PAPSS2: variants seen among roughly 807,000 people sequenced by gnomAD.
PAPSS2 encodes bifunctional 3'-phosphoadenosine 5'-phosphosulfate synthase 2.
PAPSS2 carries 61 observed loss-of-function variants against 66.5 expected under a neutral mutation model. The observed-to-expected ratio is 0.92, with a 90% CI of 0.75 to 1.14. PAPSS2 has a LOEUF of 1.14. PAPSS2 is among the 50% of genes most tolerant of loss of function. PAPSS2 has a pLI of 0.00. For synonymous variants in PAPSS2, 289 were observed against 287.5 expected (o/e 1.01, Z -0.05); for missense variants, 708 against 789.6 (o/e 0.90, Z 1.24).
At chr10:87,718,686 A>G (rs1853561812) in intron 7 of PAPSS2, among the ~76,000 whole-genome samples, 1 of 152,234 alleles carries the variant, frequency 6.6e-6, no homozygotes, top group African/African-American at 2.4e-5. Flanking sequence ...CACTCCAGCC[A>G]CCAAAGTTTT....
chr10:87,693,112 A>G (rs7906138), intron 1 of PAPSS2, among the ~76,000 whole-genome samples: 8,536 of 152,266 alleles, frequency 0.056, 798 homozygotes, highest in African/African-American at 0.19. Flanking sequence ...CTCCCTTAAA[A>G]GGGCAGAATC....
chr10:87,678,725 A>G lies in PAPSS2; in HGVS notation c.27+18717A>G, dbSNP rs536968212. Among the ~76,000 whole-genome samples the G allele has an allele frequency of 2.6e-5, 4 of 152,288 alleles. No homozygotes were observed. In the South Asian group the frequency reaches 8.3e-4, roughly 32 times the overall value. Reference sequence around the variant, plus strand: ...TGTCAGGAAAATTCAAATCAAAACCATGAGATATTACCTCACCTCATGTAG... The same window carrying G: ...TGTCAGGAAAATTCAAATCAAAACCGTGAGATATTACCTCACCTCATGTAG... On this transcript the variant is annotated intron_variant, in intron 1 of 12. Transcript: ENST00000456849.
chr10:87,695,388 G>T (rs539322120), intron 1 of PAPSS2, among the ~76,000 whole-genome samples: 1 of 152,164 alleles, frequency 6.6e-6, no homozygotes, highest in Non-Finnish European at 1.5e-5. Flanking sequence ...TTTTTCACAA[G>T]CGAATATAAA....
intron 1 of PAPSS2, among the ~76,000 whole-genome samples, chr10:87,670,576 G>GCACA (rs3221014): frequency 0.04 from 5,915 of 149,688 alleles, 174 homozygotes; most frequent in African/African-American, 0.073. Flanking sequence ...AAAAGATGGA[G>GCACA]CACACACACA....
chr10:87,728,114 A>G (rs1240702398), intron 9 of PAPSS2, among the ~76,000 whole-genome samples: 1 of 152,122 alleles, frequency 6.6e-6, no homozygotes, highest in Admixed American at 6.5e-5. Flanking sequence ...CCTAAAGGGA[A>G]AATAGACTAA....
At chr10:87,709,791 CAACA>C (rs1294182792) in intron 2 of PAPSS2, among the ~76,000 whole-genome samples, 1 of 152,162 alleles carries the variant, frequency 6.6e-6, no homozygotes, top group African/African-American at 2.4e-5. Context: ...ACTATATAAA[CAACA>C]AACAAACATA....
intron 1 of PAPSS2, among the ~76,000 whole-genome samples, chr10:87,696,342 A>G (rs1214903276): frequency 2.6e-5 from 4 of 151,958 alleles, no homozygotes; most frequent in African/African-American, 9.7e-5. Flanking sequence ...GGCTCTCTCT[A>G]TATGGAAAAT....
At chr10:87,703,485 C>G (rs1853344352) in intron 1 of PAPSS2, among the ~76,000 whole-genome samples, 1 of 152,148 alleles carries the variant, frequency 6.6e-6, no homozygotes, top group South Asian at 2.1e-4. Context: ...CTGGACTGAT[C>G]AGATCCAACA....
chr10:87,661,266 C>T (rs1309668954), intron 1 of PAPSS2, among the ~76,000 whole-genome samples: 1 of 151,944 alleles, frequency 6.6e-6, no homozygotes, highest in Non-Finnish European at 1.5e-5. Flanking sequence ...AGGGACCATA[C>T]TGGACCAGCA....
chr10:87,721,703 T>A (rs1374855536), intron 7 of PAPSS2, 53 bp from the exon 8 acceptor site: 8 of 1,351,808 alleles, frequency 5.9e-6, no homozygotes, highest in African/African-American at 1.4e-5. Context: ...TGCTGTAAGA[T>A]TCGTTTGGTG....
At chr10:87,708,833 A>G (rs550386945) in intron 1 of PAPSS2, among the ~76,000 whole-genome samples, 1 of 152,346 alleles carries the variant, frequency 6.6e-6, no homozygotes, top group South Asian at 2.1e-4. Context: ...TAATTGTATT[A>G]TTTAACAGAT....
chr10:87,684,799 T>A (rs1012443953), intron 1 of PAPSS2, among the ~76,000 whole-genome samples: 1 of 152,186 alleles, frequency 6.6e-6, no homozygotes, highest in Non-Finnish European at 1.5e-5. Flanking sequence ...GGCTTTAGAA[T>A]TGATTACCTC....
At chr10:87,717,063 G>C (rs1853541115) in intron 7 of PAPSS2, among the ~76,000 whole-genome samples, 1 of 152,050 alleles carries the variant, frequency 6.6e-6, no homozygotes, top group Admixed American at 6.6e-5. Context: ...AGGAATCCTG[G>C]CCCAGTGCTC....
rs1174780842 is a variant in PAPSS2, at chr10:87,701,300, T to TTTCC, written c.28-7869_28-7866dup. ...CTCTTTTTTCTTTCTTTCTTTCTTTTTTCCTTCCTTCCTTCCTTCCTTCCT... is the reference window on the plus strand; with the variant it reads ...CTCTTTTTTCTTTCTTTCTTTCTTTTTTCCTTCCTTCCTTCCTTCCTTCCTTCCT... On this transcript the variant is annotated intron_variant, in intron 1 of 12. Transcript: ENST00000456849. Among the ~76,000 whole-genome samples the TTTCC allele has an allele frequency of 6.7e-3, 689 of 102,904 alleles. 29 individuals carry two copies. The highest frequency in any genetic ancestry group is 0.01 in the Middle Eastern group (2 of 198). The allele number at this position is 102,904 out of a possible 152,430, so 67.5% of individuals were successfully genotyped here. A position where few individuals can be genotyped will look rare whatever the true frequency, so the allele number is the denominator to read the frequency against.
At chr10:87,734,698 T>C (rs1853775201) in intron 9 of PAPSS2, among the ~76,000 whole-genome samples, 1 of 135,338 alleles carries the variant, frequency 7.4e-6, no homozygotes, top group Non-Finnish European at 1.6e-5. Context: ...TATATATATA[T>C]ATATATATGT....
intron 1 of PAPSS2, among the ~76,000 whole-genome samples, chr10:87,702,833 C>T (rs777095006): frequency 2.1e-4 from 32 of 152,176 alleles, no homozygotes; most frequent in Admixed American, 5.9e-4. Flanking sequence ...TTCCATGACA[C>T]TCCTCCCTGG....
intron 1 of PAPSS2, among the ~76,000 whole-genome samples, chr10:87,686,710 GT>G (rs11304507): frequency 0.014 from 2,069 of 152,254 alleles, 54 homozygotes; most frequent in African/African-American, 0.046. Context: ...TGATTTAATT[GT>G]TTTTACCAAC....
At chr10:87,710,440 C>G (rs771679787) in intron 2 of PAPSS2, among the ~76,000 whole-genome samples, 2 of 152,186 alleles carry the variant, frequency 1.3e-5, no homozygotes, top group African/African-American at 2.4e-5. Flanking sequence ...CAACTCCCCC[C>G]AAGAGACGTA....
chr10:87,705,940 G>A (rs1195604015), intron 1 of PAPSS2, among the ~76,000 whole-genome samples: 2 of 150,704 alleles, frequency 1.3e-5, no homozygotes, highest in African/African-American at 4.9e-5. Flanking sequence ...CACCATATTG[G>A]CCAGGCTACT....
Sources: allele counts gnomAD v4.1 joint callset (sites outside exome capture counted in the v4.1 genomes callset), GRCh38; gene constraint gnomAD v4.1.1; transcripts MANE v1.5; gene names NCBI Gene and HGNC (gene_info 2026-07-23, HGNC 2026-07-21).